The following ARHGAP6 variants were observed in gnomAD, a reference collection of about 807,000 sequenced individuals.
ARHGAP6 encodes the protein Rho GTPase activating protein 6, also known as rho GTPase-activating protein 6.
Under a neutral mutation model 55.7 loss-of-function variants are expected in ARHGAP6, and 16 were observed. The observed-to-expected ratio is 0.29, with a 90% CI of 0.19 to 0.44. The LOEUF (loss-of-function observed/expected upper bound fraction) is 0.44, where lower values mean the gene tolerates loss of function less well. ARHGAP6 is among the 20% of genes least tolerant of loss of function. The pLI, the probability that ARHGAP6 is intolerant of heterozygous loss-of-function variation, is 1.00. For synonymous variants in ARHGAP6, 382 were observed against 360.9 expected (o/e 1.06, Z -0.66); for missense variants, 698 against 808.9 (o/e 0.86, Z 1.66).
intron 1 of ARHGAP6, among the ~76,000 whole-genome samples, chrX:11,626,013 A>T (rs192783672): frequency 8.9e-6 from 1 of 112,171 alleles, no homozygotes; most frequent in Non-Finnish European, 1.9e-5. Flanking sequence ...AAAATTGATG[A>T]AATATAAAAC....
At chrX:11,255,046 C>T (rs1364645388) in intron 1 of ARHGAP6, among the ~76,000 whole-genome samples, 1 of 111,661 alleles carries the variant, frequency 9.0e-6, no homozygotes, top group African/African-American at 3.3e-5. Context: ...CACTGTGCTG[C>T]TGCTAATTGC....
rs778678408 is a variant in ARHGAP6 at position 11,161,666 on chromosome X, ATAAG to A, written c.1810-5044_1810-5041del. Among the ~76,000 whole-genome samples the A allele has an allele frequency of 3.4e-4, 38 of 112,562 alleles. No individual in the cohort carries two copies. The East Asian group carries it at 6.1e-3, about 18-fold the overall frequency. On this transcript the variant is annotated intron_variant, in intron 9 of 12. Transcript: ENST00000337414. ...AAATGTTTTATTAGAAATAGATGAA[ATAAG>A]TAAGTTAAACACTTGAAAAAATAAA...
chrX:11,618,976 T>C (rs1008658875), intron 1 of ARHGAP6, among the ~76,000 whole-genome samples: 1 of 111,690 alleles, frequency 9.0e-6, no homozygotes, highest in African/African-American at 3.3e-5. Flanking sequence ...TTTGAGTGCA[T>C]AGCTGGAGAG....
intron 1 of ARHGAP6, among the ~76,000 whole-genome samples, chrX:11,464,719 T>C (rs2147820187): frequency 8.9e-6 from 1 of 112,647 alleles, no homozygotes; most frequent in East Asian, 2.8e-4. Context: ...AAAATGCTTC[T>C]GTTTCCTTAA....
chrX:11,174,080 C>A (rs887545926), intron 8 of ARHGAP6, among the ~76,000 whole-genome samples: 12 of 112,018 alleles, frequency 1.1e-4, no homozygotes, highest in Middle Eastern at 4.6e-3. Context: ...CCAGTCTGCC[C>A]ATTCCATATT....
At chrX:11,179,765 C>CATATATAT (rs10576783) in intron 6 of ARHGAP6, among the ~76,000 whole-genome samples, 1 of 97,504 alleles carries the variant, frequency 1.0e-5, no homozygotes, top group South Asian at 4.6e-4. Flanking sequence ...TATATGTATA[C>CATATATAT]ATATATATAT....
At chrX:11,539,268 A>G (rs1255631972) in intron 1 of ARHGAP6, among the ~76,000 whole-genome samples, 3 of 111,932 alleles carry the variant, frequency 2.7e-5, no homozygotes, top group Admixed American at 1.9e-4. Flanking sequence ...AGACAATGCA[A>G]TATCTTTCTT....
At chrX:11,187,180 G>A (rs2046396625) in intron 4 of ARHGAP6, among the ~76,000 whole-genome samples, 1 of 111,434 alleles carries the variant, frequency 9.0e-6, no homozygotes, top group African/African-American at 3.3e-5. Flanking sequence ...TATCTCCTAA[G>A]TACTTACAGC....
chrX:11,352,946 T>C (rs1047746982), intron 1 of ARHGAP6, among the ~76,000 whole-genome samples: 1 of 111,941 alleles, frequency 8.9e-6, no homozygotes, highest in African/African-American at 3.2e-5. Context: ...ATATAATCTT[T>C]CTTTTTTATA....
chrX:11,555,967 G>A (rs1346591755), intron 1 of ARHGAP6, among the ~76,000 whole-genome samples: 1 of 111,143 alleles, frequency 9.0e-6, no homozygotes, highest in African/African-American at 3.3e-5. Context: ...TGAAACGGAA[G>A]TTCACTGGAG....
rs763795028 is a variant in ARHGAP6, at chrX:11,182,129, G to C, written c.1274-11C>G. ...CCACTGTCTGGAGGCCTGCAAATAA[G>C]CAAACAAAATGAACAGTCTTGTTTC... On this transcript the variant is annotated splice_polypyrimidine_tract_variant and intron_variant, in intron 5 of 12. Coordinates refer to ENST00000337414, the MANE Select transcript of ARHGAP6 (RefSeq NM_013427.3). The C allele has an allele frequency of 8.4e-7, 1 of 1,195,985 alleles. No individual in the cohort carries two copies. Among genetic ancestry groups the C allele is most frequent in the African/African-American group, 1.7e-5 (1 of 57,234 alleles).
chrX:11,152,506 C>G (rs1403392868), intron 10 of ARHGAP6, among the ~76,000 whole-genome samples: 2 of 111,837 alleles, frequency 1.8e-5, no homozygotes, highest in Non-Finnish European at 3.8e-5. Flanking sequence ...TTTATTGTGA[C>G]CCCAGCTAGC....
chrX:11,575,584 T>G (rs1317433588), intron 1 of ARHGAP6, among the ~76,000 whole-genome samples: 2 of 111,778 alleles, frequency 1.8e-5, no homozygotes, highest in African/African-American at 6.5e-5. Flanking sequence ...TGTGATAACC[T>G]GGAAGGGCGA....
rs146899034 is a variant in ARHGAP6 at position 11,339,998 on chromosome X, T to C, written c.589-85291A>G. On this transcript the variant is annotated intron_variant, in intron 1 of 12. Transcript: ENST00000337414. Reference sequence around the variant, plus strand: ...TCCTGTTGCTTATACTTCTAAAATATATTTCAAATCCATCCCTTCTCCATC... The same window carrying C: ...TCCTGTTGCTTATACTTCTAAAATACATTTCAAATCCATCCCTTCTCCATC... 8.9e-3 allele frequency among the ~76,000 whole-genome samples: 1,000 copies of C among 111,860 alleles called. 11 individuals are homozygous for C. The highest frequency in any genetic ancestry group is 0.031 in the African/African-American group (952 of 30,722).
chrX:11,400,662 A>T (rs964493398), intron 1 of ARHGAP6, among the ~76,000 whole-genome samples: 2 of 110,682 alleles, frequency 1.8e-5, no homozygotes, highest in African/African-American at 6.6e-5. Flanking sequence ...TTTCTGTCCC[A>T]CTCAATTACA....
intron 1 of ARHGAP6, among the ~76,000 whole-genome samples, chrX:11,485,620 G>C (rs961991040): frequency 8.9e-6 from 1 of 112,166 alleles, no homozygotes; most frequent in Non-Finnish European, 1.9e-5. Flanking sequence ...GTGATTTTTT[G>C]AATCAGCTCT....
At chrX:11,576,019 G>GT (rs930883173) in intron 1 of ARHGAP6, among the ~76,000 whole-genome samples, 1 of 111,931 alleles carries the variant, frequency 8.9e-6, no homozygotes, top group African/African-American at 3.2e-5. Context: ...GTAAATTATC[G>GT]TTTTTTTAAT....
At chrX:11,562,585 G>T (rs1345043480) in intron 1 of ARHGAP6, among the ~76,000 whole-genome samples, 1 of 109,967 alleles carries the variant, frequency 9.1e-6, no homozygotes, top group Non-Finnish European at 1.9e-5. Context: ...CAAGGAGAAG[G>T]TTTAAAAACC....
intron 12 of ARHGAP6, among the ~76,000 whole-genome samples, chrX:11,141,945 C>T (rs1218096636): frequency 8.9e-6 from 1 of 111,897 alleles, no homozygotes; most frequent in East Asian, 2.8e-4. Context: ...ATACCCCTGG[C>T]CCTTAAAAAG....
Sources: gnomAD v4.1 joint callset for allele counts (sites outside exome capture counted in the v4.1 genomes callset) on GRCh38, gnomAD v4.1.1 for gene constraint, MANE v1.5 for transcripts, NCBI Gene and HGNC (gene_info 2026-07-23, HGNC 2026-07-21) for gene names.